Variants in RAPGEF4 observed in about 807,000 individuals in gnomAD.
RAPGEF4 encodes the protein Rap guanine nucleotide exchange factor 4, also known as RAP guanine-nucleotide-exchange factor (GEF) 4.
A neutral mutation model predicts 147.9 loss-of-function variants in RAPGEF4; 66 were observed. The ratio of observed to expected loss-of-function variants is 0.45; its 90% CI spans 0.37 to 0.55. RAPGEF4 has a LOEUF of 0.55. RAPGEF4 is among the 20% of genes least tolerant of loss of function. The pLI, the probability that RAPGEF4 is intolerant of heterozygous loss-of-function variation, is 0.00. For synonymous variants in RAPGEF4, 419 were observed against 442.7 expected (o/e 0.95, Z 0.67); for missense variants, 1,071 against 1,257.3 (o/e 0.85, Z 2.24).
At chr2:172,976,015 C>G (rs1340909294) in intron 10 of RAPGEF4, among the ~76,000 whole-genome samples, 1 of 152,228 alleles carries the variant, frequency 6.6e-6, no homozygotes, top group Non-Finnish European at 1.5e-5. Flanking sequence ...TTATGGAACC[C>G]TTATCCCATG....
intron 4 of RAPGEF4, among the ~76,000 whole-genome samples, chr2:172,855,772 C>T (rs1693344189): frequency 2.0e-5 from 3 of 152,164 alleles, no homozygotes; most frequent in African/African-American, 7.2e-5. Flanking sequence ...TTAATGATGT[C>T]ATTCCATTAT....
chr2:173,035,227 G>A (rs1235875011), intron 27 of RAPGEF4, among the ~76,000 whole-genome samples: 2 of 151,724 alleles, frequency 1.3e-5, no homozygotes, highest in East Asian at 2.0e-4. Context: ...CAGGGGTCTC[G>A]GCCAGGCACG....
chr2:172,895,837 T>G (rs1698419133), intron 4 of RAPGEF4, among the ~76,000 whole-genome samples: 1 of 152,212 alleles, frequency 6.6e-6, no homozygotes, highest in South Asian at 2.1e-4. Context: ...TGCAGAATGA[T>G]TGGTTTACCT....
At chr2:173,043,340 C>T (rs1684998736) in intron 29 of RAPGEF4, among the ~76,000 whole-genome samples, 1 of 152,132 alleles carries the variant, frequency 6.6e-6, no homozygotes, top group Non-Finnish European at 1.5e-5. Context: ...GAAGGAAGAT[C>T]AAAACTGTTG....
At chr2:172,792,339 C>T (rs1413842307) in intron 1 of RAPGEF4, among the ~76,000 whole-genome samples, 7 of 152,302 alleles carry the variant, frequency 4.6e-5, no homozygotes, top group African/African-American at 1.2e-4. Context: ...GACATAGTTT[C>T]TGGTAAGGAG....
chr2:172,918,509 A>ATATGT (rs1387116064), intron 5 of RAPGEF4, among the ~76,000 whole-genome samples: 2 of 151,940 alleles, frequency 1.3e-5, no homozygotes, highest in African/African-American at 4.8e-5. Flanking sequence ...GTACATATTA[A>ATATGT]ATATTTTTAA....
intron 4 of RAPGEF4, chr2:172,917,429 A>AT (rs762826594): frequency 1.1e-4 from 60 of 526,268 alleles, no homozygotes; most frequent in South Asian, 8.5e-4. Context: ...CAGCACATTT[A>AT]TTTGTATCTG....
intron 6 of RAPGEF4, among the ~76,000 whole-genome samples, chr2:172,943,843 A>G (rs2044517): frequency 6.6e-6 from 1 of 151,970 alleles, no homozygotes; most frequent in Non-Finnish European, 1.5e-5. Context: ...CTATATCTTC[A>G]TAAAGGTTCC....
intron 17 of RAPGEF4, among the ~76,000 whole-genome samples, chr2:173,008,069 G>C (rs200283307): frequency 6.6e-5 from 10 of 151,864 alleles, no homozygotes; most frequent in African/African-American, 9.7e-5. Context: ...ATCGGGTGTG[G>C]CCCCCCCATG....
chr2:173,038,048 A>C (rs1559204075), intron 29 of RAPGEF4, among the ~76,000 whole-genome samples: 1 of 152,194 alleles, frequency 6.6e-6, no homozygotes, highest in African/African-American at 2.4e-5. Context: ...ATTGCTGGGC[A>C]CTATGTCTTA....
intron 1 of RAPGEF4, among the ~76,000 whole-genome samples, chr2:172,755,144 G>A (rs936613253): frequency 6.6e-6 from 1 of 152,112 alleles, no homozygotes; most frequent in Non-Finnish European, 1.5e-5. Flanking sequence ...CTGATGCCGG[G>A]CTACATTATG....
intron 17 of RAPGEF4, among the ~76,000 whole-genome samples, chr2:173,003,695 CTT>C (rs539499270): frequency 4.6e-3 from 326 of 71,502 alleles, no homozygotes; most frequent in African/African-American, 0.013. Context: ...TGGAGTTTGC[CTT>C]TTTTTTTTCT....
At chr2:172,810,428 ACT>A (rs1687913501) in intron 3 of RAPGEF4, among the ~76,000 whole-genome samples, 1 of 152,242 alleles carries the variant, frequency 6.6e-6, no homozygotes, top group African/African-American at 2.4e-5. Context: ...CCCAGTTCCC[ACT>A]CACACACATG....
chr2:173,030,864 G>A (rs974153949), intron 26 of RAPGEF4, among the ~76,000 whole-genome samples: 3 of 152,166 alleles, frequency 2.0e-5, no homozygotes, highest in African/African-American at 4.8e-5. Flanking sequence ...ATGGTTTGTC[G>A]AGAGTTGGGT....
At chr2:172,977,571 C>T (rs186927611) in intron 10 of RAPGEF4, among the ~76,000 whole-genome samples, 16 of 152,102 alleles carry the variant, frequency 1.1e-4, no homozygotes, top group African/African-American at 2.4e-4. Flanking sequence ...ACTGCTGCCA[C>T]GAACACTGAG....
chr2:172,881,157 A>AT (rs1267015500), intron 4 of RAPGEF4, among the ~76,000 whole-genome samples: 1 of 152,132 alleles, frequency 6.6e-6, no homozygotes, highest in Non-Finnish European at 1.5e-5. Flanking sequence ...AACTACTCTG[A>AT]TTTTTGAGTT....
intron 3 of RAPGEF4, among the ~76,000 whole-genome samples, chr2:172,811,694 C>A (rs888620997): frequency 2.0e-5 from 3 of 152,226 alleles, no homozygotes; most frequent in African/African-American, 7.2e-5. Flanking sequence ...AATCCTGACC[C>A]ATGGAGATCT....
chr2:172,967,302 C>T lies in RAPGEF4; in HGVS notation c.862C>T (p.Arg288Ter). The part of the protein sequence containing the change: ...HHFQDKYLFY[R>*]FLDDEHEDAP... Reference sequence around the variant, plus strand: ...TTTCCAAGACAAATATTTATTCTATCGATTTCTGGATGATGAGCACGAGGA... The same window carrying T: ...TTTCCAAGACAAATATTTATTCTATTGATTTCTGGATGATGAGCACGAGGA... Residue 288 changes from arginine (R) to a stop codon, truncating the protein, a stop_gained, in exon 10 of 31, where the codon CGA (arginine) becomes TGA (stop). Coordinates refer to ENST00000397081, the MANE Select transcript of RAPGEF4 (RefSeq NM_007023.4). LOFTEE classifies it high-confidence loss of function. The T allele has an allele frequency of 1.2e-6, 2 of 1,612,206 alleles. No homozygotes were observed. The highest frequency in any genetic ancestry group is 1.7e-6 in the Non-Finnish European group (2 of 1,179,646).
chr2:172,876,586 C>A (rs1015294162), intron 4 of RAPGEF4, among the ~76,000 whole-genome samples: 3 of 152,030 alleles, frequency 2.0e-5, no homozygotes, highest in African/African-American at 4.8e-5. Context: ...GCCTTGCATC[C>A]CAGGGATGAA....
Sources: allele counts gnomAD v4.1 joint callset (sites outside exome capture counted in the v4.1 genomes callset), GRCh38; gene constraint gnomAD v4.1.1; transcripts MANE v1.5; gene names NCBI Gene and HGNC (gene_info 2026-07-23, HGNC 2026-07-21).